EGFLAM: variants seen among roughly 807,000 people sequenced by gnomAD.
The protein encoded by EGFLAM is pikachurin.
EGFLAM carries 79 observed loss-of-function variants against 113.1 expected under a neutral mutation model. That is an observed-to-expected ratio of 0.70 (90% CI 0.58 to 0.84). The LOEUF (loss-of-function observed/expected upper bound fraction) is 0.84. Among genes scored for constraint, EGFLAM ranks in the 40% least tolerant of loss-of-function variants. The pLI is 0.00. For missense variants in EGFLAM, 1,265 were observed against 1,291.6 expected (o/e 0.98, Z 0.32); for synonymous variants, 504 against 487.6 (o/e 1.03, Z -0.44).
chr5:38,454,196 TG>T (rs1447174038), intron 19 of EGFLAM, among the ~76,000 whole-genome samples: 1 of 152,130 alleles, frequency 6.6e-6, no homozygotes, highest in Non-Finnish European at 1.5e-5. Flanking sequence ...ACCGGCGGGC[TG>T]GGGACAGAGA....
intron 3 of EGFLAM, among the ~76,000 whole-genome samples, chr5:38,350,167 C>T (rs1411569866): frequency 6.6e-6 from 1 of 152,156 alleles, no homozygotes; most frequent in Non-Finnish European, 1.5e-5. Context: ...TGGGGAATTA[C>T]AGCCTTAGAA....
At position 38,370,347 on chromosome 5, in the gene EGFLAM, C is replaced by T; in HGVS notation, c.597C>T (p.Asp199=). The T allele has an allele frequency of 1.2e-6, 2 of 1,614,206 alleles. No individual in the cohort carries two copies. Among genetic ancestry groups the T allele is most frequent in the Non-Finnish European group, 1.7e-6 (2 of 1,180,034 alleles). The change falls in exon 6 of 22, where the codon GAC becomes GAT. Residue 199 remains aspartate (D), a synonymous_variant. Coordinates refer to ENST00000322350, the MANE Select transcript of EGFLAM (RefSeq NM_152403.4). ...WTSIHERIQM[D]SMVIKGLDPD... ...CAATCCATGAGCGGATCCAGATGGA[C>T]TCCATGGTTATCAAGGGCCTCGATC...
chr5:38,341,167 C>G (rs1317055497), intron 3 of EGFLAM, among the ~76,000 whole-genome samples: 1 of 152,170 alleles, frequency 6.6e-6, no homozygotes. Context: ...TTTAGGAAAA[C>G]AGCAACATCT....
intron 9 of EGFLAM, 86 bp downstream of exon 9, chr5:38,407,991 C>T (rs60540056): frequency 3.7e-6 from 4 of 1,082,342 alleles, no homozygotes; most frequent in East Asian, 2.4e-5. Context: ...GGAGAGGAAG[C>T]GGGGCAGCAG....
intron 6 of EGFLAM, among the ~76,000 whole-genome samples, chr5:38,389,382 C>G (rs1740752759): frequency 6.6e-6 from 1 of 152,182 alleles, no homozygotes; most frequent in Admixed American, 6.5e-5. Flanking sequence ...TTCAGACACT[C>G]TCTCTGAAGG....
intron 1 of EGFLAM, among the ~76,000 whole-genome samples, chr5:38,307,949 T>G (rs1450957403): frequency 6.6e-6 from 1 of 152,232 alleles, no homozygotes; most frequent in Non-Finnish European, 1.5e-5. Context: ...TTCTCTGGTA[T>G]GCTCTGACTC....
chr5:38,437,711 T>A (rs1416900219), intron 16 of EGFLAM, among the ~76,000 whole-genome samples: 1 of 152,150 alleles, frequency 6.6e-6, no homozygotes, highest in East Asian at 1.9e-4. Flanking sequence ...TTGGGACTTC[T>A]TTACAACCTA....
chr5:38,301,654 T>G (rs922038403), intron 1 of EGFLAM, among the ~76,000 whole-genome samples: 4 of 152,156 alleles, frequency 2.6e-5, no homozygotes, highest in Non-Finnish European at 4.4e-5. Flanking sequence ...GACATCTTTC[T>G]GTGCTAGGGT....
chr5:38,436,546 G>A (rs906626790), intron 16 of EGFLAM, among the ~76,000 whole-genome samples: 1 of 152,150 alleles, frequency 6.6e-6, no homozygotes, highest in African/African-American at 2.4e-5. Flanking sequence ...TCTCCCCTAT[G>A]AGTGGGATTG....
Position 38,424,978 on chromosome 5 carries a change from A to T in EGFLAM, c.1696A>T (p.Ser566Cys). Residue 566 changes from serine to cysteine, a missense_variant, in exon 13 of 22, where the codon AGT (serine) becomes TGT (cysteine). Coordinates refer to ENST00000322350, the MANE Select transcript of EGFLAM (RefSeq NM_152403.4). ...CATTCTGTATTTAGGGGAATGCAGCAGTGGAATCTGTGATGAGGCCTCGTG... is the reference window on the plus strand; with the variant it reads ...CATTCTGTATTTAGGGGAATGCAGCTGTGGAATCTGTGATGAGGCCTCGTG... ...LSGADVGECS[S>C]GICDEASCIH... 6.2e-7 allele frequency: 1 copy of T among 1,613,930 alleles called. No homozygotes were observed.
chr5:38,419,899 C>T (rs1010513264), intron 12 of EGFLAM, among the ~76,000 whole-genome samples: 3 of 152,076 alleles, frequency 2.0e-5, no homozygotes, highest in African/African-American at 7.2e-5. Context: ...TAGTGGCACA[C>T]CCATGTAATC....
intron 12 of EGFLAM, among the ~76,000 whole-genome samples, chr5:38,424,452 A>G (rs549844242): frequency 3.5e-4 from 53 of 152,328 alleles, no homozygotes; most frequent in Middle Eastern, 6.8e-3. Context: ...GAAGTTGACA[A>G]TCCAGGTGAG....
chr5:38,445,553 C>T, intron 17 of EGFLAM: 2 of 1,589,818 alleles, frequency 1.3e-6, no homozygotes, highest in Non-Finnish European at 1.7e-6. Context: ...GTTCTGGACT[C>T]TCGGGCAGAG....
intron 1 of EGFLAM, among the ~76,000 whole-genome samples, chr5:38,271,934 T>C (rs1002020280): frequency 3.3e-5 from 5 of 152,148 alleles, no homozygotes; most frequent in Non-Finnish European, 5.9e-5. Context: ...ATTTTCACAT[T>C]GTGTGATTAA....
intron 1 of EGFLAM, among the ~76,000 whole-genome samples, chr5:38,298,586 C>T (rs763005222): frequency 2.6e-5 from 4 of 152,088 alleles, no homozygotes; most frequent in Non-Finnish European, 5.9e-5. Flanking sequence ...TAAAGGTAAA[C>T]CTCCCACTAA....
chr5:38,323,125 T>C (rs1738784019), intron 1 of EGFLAM, among the ~76,000 whole-genome samples: 1 of 152,254 alleles, frequency 6.6e-6, no homozygotes. Context: ...CATCAGTGAA[T>C]GTAACTTGGT....
intron 1 of EGFLAM, among the ~76,000 whole-genome samples, chr5:38,269,740 C>T (rs375792091): frequency 2.0e-5 from 3 of 152,156 alleles, no homozygotes; most frequent in Non-Finnish European, 4.4e-5. Flanking sequence ...CCGCCCGCCT[C>T]GGCCTCCCAA....
chr5:38,448,233 CAT>C (rs1254914895), intron 17 of EGFLAM, 66 bp from the exon 18 acceptor site: 24 of 1,512,508 alleles, frequency 1.6e-5, no homozygotes, highest in African/African-American at 6.9e-5. Context: ...GTTTTCCTGC[CAT>C]GTGTGTGAGT....
intron 16 of EGFLAM, among the ~76,000 whole-genome samples, chr5:38,436,251 T>A (rs1035485765): frequency 1.2e-4 from 19 of 152,186 alleles, no homozygotes; most frequent in African/African-American, 3.9e-4. Flanking sequence ...AGAACAAGGA[T>A]CTGAAGAAAA....
Sources: allele counts gnomAD v4.1 joint callset (sites outside exome capture counted in the v4.1 genomes callset), GRCh38; gene constraint gnomAD v4.1.1; transcripts MANE v1.5; gene names NCBI Gene and HGNC (gene_info 2026-07-23, HGNC 2026-07-21).